TMC7: variants seen among roughly 807,000 people sequenced by gnomAD.
TMC7 encodes transmembrane channel-like protein 7.
A neutral mutation model predicts 82.9 loss-of-function variants in TMC7; 54 were observed. The observed-to-expected ratio is 0.65, with a 90% CI of 0.52 to 0.82. The LOEUF (loss-of-function observed/expected upper bound fraction) is 0.82. Ranked by LOEUF, TMC7 falls within the 40% of genes least tolerant of loss-of-function variation. The pLI is 0.00. For synonymous variants in TMC7, 350 were observed against 337.9 expected (o/e 1.04, Z -0.39); for missense variants, 820 against 901.2 (o/e 0.91, Z 1.15).
In TMC7 at chr16:19,056,375, C is replaced by T. The variant is rs200694183; in HGVS notation, c.1872-167C>T. ...TGCTGGGATGACATTCGTGAGCCAC[C>T]GCGCCCAGCCAGGGTAAGCATTTTC... On this transcript the variant is annotated intron_variant, in intron 13 of 15. Coordinates refer to ENST00000304381, the MANE Select transcript of TMC7 (RefSeq NM_024847.4). Among the ~76,000 whole-genome samples the T allele has an allele frequency of 1.1e-4, 17 of 152,184 alleles. No homozygotes were observed. In the East Asian group the frequency reaches 2.9e-3, roughly 26 times the overall value.
chr16:19,028,856 G>C (rs1960356964), intron 5 of TMC7, among the ~76,000 whole-genome samples: 2 of 151,226 alleles, frequency 1.3e-5, no homozygotes, highest in South Asian at 2.1e-4. Context: ...GGGTTTCACT[G>C]TGTTGGCCAG....
At chr16:18,997,640 G>C (rs7403947) in intron 1 of TMC7, among the ~76,000 whole-genome samples, 46,811 of 151,920 alleles carry the variant, frequency 0.31, 7,456 homozygotes, top group Non-Finnish European at 0.35. Context: ...AAAGTGCTGG[G>C]ATTGAGCCAC....
intron 14 of TMC7, among the ~76,000 whole-genome samples, chr16:19,056,949 ACC>A (rs1327950408): frequency 7.5e-6 from 1 of 133,948 alleles, no homozygotes; most frequent in Non-Finnish European, 1.6e-5. Flanking sequence ...GCACAGGGAC[ACC>A]CCGACTCTAC....
At chr16:19,001,270 T>A (rs2039136425) in intron 1 of TMC7, among the ~76,000 whole-genome samples, 1 of 152,192 alleles carries the variant, frequency 6.6e-6, no homozygotes, top group South Asian at 2.1e-4. Flanking sequence ...ATTAAGCATC[T>A]GTCCTGTACC....
chr16:18,985,698 GT>G (rs56873601), intron 1 of TMC7, among the ~76,000 whole-genome samples: 49,941 of 132,576 alleles, frequency 0.38, 8,283 homozygotes, highest in African/African-American at 0.45. Flanking sequence ...AGATAGATGA[GT>G]TTTTTTTTTT....
intron 3 of TMC7, among the ~76,000 whole-genome samples, chr16:19,018,012 C>T (rs1469546712): frequency 1.3e-5 from 2 of 152,198 alleles, no homozygotes; most frequent in Admixed American, 1.3e-4. Flanking sequence ...GTGCTATATG[C>T]CCATAGTCCC....
chr16:19,040,264 CTAA>C, intron 8 of TMC7, 22 bp from the exon 9 acceptor site: 1 of 1,605,118 alleles, frequency 6.2e-7, no homozygotes, highest in South Asian at 1.1e-5. Context: ...ATACTCCTGA[CTAA>C]TAAGTTTTGT....
At chr16:19,013,527 AT>A (rs1029801271) in intron 2 of TMC7, among the ~76,000 whole-genome samples, 1 of 146,656 alleles carries the variant, frequency 6.8e-6, no homozygotes, top group African/African-American at 2.5e-5. Context: ...TATTTTATTT[AT>A]TTTTTTTGAG....
chr16:19,008,583 G>T (rs938984160), intron 1 of TMC7, among the ~76,000 whole-genome samples: 21 of 152,140 alleles, frequency 1.4e-4, no homozygotes, highest in Non-Finnish European at 3.1e-4. Flanking sequence ...CTAAGGCTGG[G>T]CTTAGAACTG....
chr16:18,991,366 G>C (rs191082650), intron 1 of TMC7, among the ~76,000 whole-genome samples: 28 of 152,304 alleles, frequency 1.8e-4, no homozygotes, highest in Middle Eastern at 3.4e-3. Flanking sequence ...AGGGGGTTCA[G>C]CATAGTTATT....
intron 2 of TMC7, among the ~76,000 whole-genome samples, chr16:19,012,696 G>A (rs1230341120): frequency 6.8e-6 from 1 of 147,066 alleles, no homozygotes; most frequent in African/African-American, 2.6e-5. Flanking sequence ...GGCTGAGGCA[G>A]GAGAATCACT....
intron 12 of TMC7, among the ~76,000 whole-genome samples, chr16:19,049,146 C>T (rs1278420724): frequency 1.3e-5 from 2 of 152,130 alleles, no homozygotes; most frequent in South Asian, 2.1e-4. Flanking sequence ...GCCTCAGCCT[C>T]TTGAGCAGCT....
intron 1 of TMC7, among the ~76,000 whole-genome samples, chr16:19,008,470 G>T (rs1347966377): frequency 3.3e-5 from 5 of 152,186 alleles, no homozygotes; most frequent in Admixed American, 3.3e-4. Context: ...GTCTGGAGCG[G>T]CCTCAGCTGG....
intron 1 of TMC7, among the ~76,000 whole-genome samples, chr16:19,002,382 T>C (rs1431720070): frequency 1.3e-5 from 2 of 152,054 alleles, no homozygotes; most frequent in Non-Finnish European, 2.9e-5. Context: ...ATTACAGGCA[T>C]GCATCACCAC....
At chr16:19,040,892 C>CTTT (rs113968068) in intron 9 of TMC7, among the ~76,000 whole-genome samples, 3 of 133,848 alleles carry the variant, frequency 2.2e-5, no homozygotes, top group East Asian at 2.1e-4. Flanking sequence ...TTCTTTGATT[C>CTTT]TTTTTTTTTT....
At chr16:19,001,516 A>T (rs1053324238) in intron 1 of TMC7, among the ~76,000 whole-genome samples, 1 of 152,190 alleles carries the variant, frequency 6.6e-6, no homozygotes, top group Non-Finnish European at 1.5e-5. Flanking sequence ...CCTCATCTCT[A>T]TTAAAATATA....
At position 19,009,219 on chromosome 16, in the gene TMC7, TTCC is replaced by T; in HGVS notation, c.119_121del (p.Leu40del). Reference sequence around the variant, plus strand: ...TTGCTTCTCTTCTCCACCTGTGAACTTCCTCCAAGAATTGCCAAGCTACCGGTC... The same window carrying T: ...TTGCTTCTCTTCTCCACCTGTGAACTTCCAAGAATTGCCAAGCTACCGGTC... On this transcript the variant is annotated inframe_deletion, in exon 2 of 16. Transcript: ENST00000304381. 1 of 1,614,086 alleles carries T rather than the reference TTCC, an allele frequency of 6.2e-7. No individual in the cohort carries two copies. The highest frequency in any genetic ancestry group is 1.1e-5 in the South Asian group (1 of 91,084).
intron 15 of TMC7, among the ~76,000 whole-genome samples, chr16:19,061,419 G>T (rs910530371): frequency 4.6e-5 from 7 of 152,190 alleles, no homozygotes; most frequent in African/African-American, 1.7e-4. Flanking sequence ...AAAGTGCTGG[G>T]ATTACAGGTG....
At chr16:18,988,896 A>G (rs754122473) in intron 1 of TMC7, among the ~76,000 whole-genome samples, 25 of 152,126 alleles carry the variant, frequency 1.6e-4, no homozygotes, top group Non-Finnish European at 2.6e-4. Flanking sequence ...CTAACAATAC[A>G]AAAATTAGCT....
Sources: allele counts gnomAD v4.1 joint callset (sites outside exome capture counted in the v4.1 genomes callset), GRCh38; gene constraint gnomAD v4.1.1; transcripts MANE v1.5; gene names NCBI Gene and HGNC (gene_info 2026-07-23, HGNC 2026-07-21).